Variants in UPP2 observed in about 807,000 individuals in gnomAD.
UPP2 encodes uridine phosphorylase 2.
Under a neutral mutation model 26.7 loss-of-function variants are expected in UPP2, and 23 were observed. The observed-to-expected ratio is 0.86, with a 90% CI of 0.62 to 1.22. The LOEUF (loss-of-function observed/expected upper bound fraction) is 1.22, where lower values mean the gene tolerates loss of function less well. Ranked by LOEUF, UPP2 falls within the 50% of genes most tolerant of loss-of-function variation. The pLI, the probability that UPP2 is intolerant of heterozygous loss-of-function variation, is 0.00. For missense variants in UPP2, 387 were observed against 396.7 expected (o/e 0.98, Z 0.21); for synonymous variants, 127 against 141.3 (o/e 0.90, Z 0.72).
Position 158,115,318 on chromosome 2 carries a change from C to T in UPP2, c.339+59C>T, listed in dbSNP as rs1368177324. 3 of 1,504,362 alleles carry T rather than the reference C, an allele frequency of 2.0e-6. No homozygotes were observed. The East Asian group carries it at 7.1e-5, about 35-fold the overall frequency. The allele number at this position is 1,504,362 out of a possible 1,614,324, so 93.2% of individuals were successfully genotyped here. On this transcript the variant is annotated intron_variant, in intron 3 of 6. Coordinates refer to ENST00000005756, the MANE Select transcript of UPP2 (RefSeq NM_173355.4). ...TGCAGGCTAGAGAAAAAAGTGGGAA[C>T]TTTTACATGTAGGAGTTCTTTTTCC...
At chr2:158,101,650 T>C (rs1683077743), upstream of UPP2, among the ~76,000 whole-genome samples, 1 of 152,230 alleles carries the variant, frequency 6.6e-6, no homozygotes, top group Non-Finnish European at 1.5e-5. Flanking sequence ...CTCGTATCCA[T>C]ATACAGTTGT....
At chr2:158,054,170 G>A (rs1275698258) in intron 3 of UPP2, among the ~76,000 whole-genome samples, 2 of 152,126 alleles carry the variant, frequency 1.3e-5, no homozygotes, top group Non-Finnish European at 2.9e-5. Flanking sequence ...ACTGAGGCAT[G>A]AGAATGGTTT....
intron 3 of UPP2, among the ~76,000 whole-genome samples, chr2:158,094,823 A>G (rs1682961703): frequency 6.6e-6 from 1 of 152,162 alleles, no homozygotes. Flanking sequence ...TTGAGTTCCC[A>G]GGAAAATCAC....
At chr2:158,021,759 G>A (rs35868430) in intron 3 of UPP2, among the ~76,000 whole-genome samples, 9,742 of 152,234 alleles carry the variant, frequency 0.064, 409 homozygotes, top group Non-Finnish European at 0.097. Flanking sequence ...GAGAGAGCTA[G>A]TATTATACTA....
chr2:158,039,580 A>C (rs1337970122), intron 3 of UPP2, among the ~76,000 whole-genome samples: 2 of 152,226 alleles, frequency 1.3e-5, no homozygotes, highest in Non-Finnish European at 2.9e-5. Context: ...GCCATTGCCG[A>C]GAGTCAAGCA....
At chr2:158,106,276 T>C in intron 2 of UPP2, 60 bp downstream of exon 2, 1 of 1,464,372 alleles carries the variant, frequency 6.8e-7, no homozygotes, top group East Asian at 2.3e-5. Context: ...TTTTTCTTCT[T>C]ACCTTGCCAA....
chr2:158,077,772 C>A (rs1682654128), intron 3 of UPP2, among the ~76,000 whole-genome samples: 1 of 151,984 alleles, frequency 6.6e-6, no homozygotes, highest in Non-Finnish European at 1.5e-5. Flanking sequence ...CAAAAATGGA[C>A]AAATGGGATC....
At chr2:158,018,458 C>T (rs936459033) in intron 3 of UPP2, among the ~76,000 whole-genome samples, 1 of 152,234 alleles carries the variant, frequency 6.6e-6, no homozygotes, top group Admixed American at 6.5e-5. Context: ...TCTTCTCTCT[C>T]TCCTCCTCCC....
chr2:158,018,936 A>C (rs1479876005), intron 3 of UPP2, among the ~76,000 whole-genome samples: 1 of 152,148 alleles, frequency 6.6e-6, no homozygotes, highest in Non-Finnish European at 1.5e-5. Context: ...TAATTTATTG[A>C]GGGAACTTAT....
intron 3 of UPP2, among the ~76,000 whole-genome samples, chr2:158,037,647 G>C (rs6437127): frequency 0.36 from 54,650 of 151,730 alleles, 11,213 homozygotes; most frequent in African/African-American, 0.57. Context: ...CCAATCTCTG[G>C]TCCATCTTCC....
chr2:158,052,090 C>T (rs1682168764), intron 3 of UPP2, among the ~76,000 whole-genome samples: 1 of 152,182 alleles, frequency 6.6e-6, no homozygotes, highest in Admixed American at 6.5e-5. Context: ...GAACACCCTT[C>T]ATATGTCCCA....
chr2:158,065,054 G>T (rs1231983418), intron 3 of UPP2, among the ~76,000 whole-genome samples: 2 of 152,182 alleles, frequency 1.3e-5, no homozygotes, highest in Non-Finnish European at 1.5e-5. Flanking sequence ...CCGGTCTGCA[G>T]CTCCCAGTGA....
At chr2:158,077,796 A>G (rs1274368162) in intron 3 of UPP2, among the ~76,000 whole-genome samples, 1 of 152,080 alleles carries the variant, frequency 6.6e-6, no homozygotes, top group Non-Finnish European at 1.5e-5. Flanking sequence ...TCAAGTTAAA[A>G]CTTCTGCACA....
intron 3 of UPP2, among the ~76,000 whole-genome samples, chr2:158,029,318 T>C (rs1472322126): frequency 6.6e-6 from 1 of 152,256 alleles, no homozygotes; most frequent in Non-Finnish European, 1.5e-5. Context: ...TAAAAAAATG[T>C]TTTCTTTGAA....
Position 158,115,163 on chromosome 2 carries a change from G to A in UPP2, c.243G>A (p.Glu81=). 1 of 1,613,766 alleles carries A rather than the reference G, an allele frequency of 6.2e-7. No homozygotes were observed. The highest frequency in any genetic ancestry group is 8.5e-7 in the Non-Finnish European group (1 of 1,179,900). ...MKAFALFMHK[E]LGFEEAEEDI... Reference sequence around the variant, plus strand: ...CATTTGCACTGTTTATGCACAAGGAGCTCGGGTTTGAGGAAGCTGAAGAAG... The same window carrying A: ...CATTTGCACTGTTTATGCACAAGGAACTCGGGTTTGAGGAAGCTGAAGAAG... Residue 81 remains glutamate, a synonymous_variant, in exon 3 of 7, where the codon GAG becomes GAA. Coordinates refer to ENST00000005756, the MANE Select transcript of UPP2 (RefSeq NM_173355.4).
At position 158,090,369 on chromosome 2, in the gene UPP2, T is replaced by C. The variant is rs369669497; in HGVS notation, c.148-11671T>C. Among the ~76,000 whole-genome samples, 276 of 152,136 alleles carry C rather than the reference T, an allele frequency of 1.8e-3. 2 individuals are homozygous for C. The South Asian group carries it at 0.023, about 12-fold the overall frequency. On this transcript the variant is annotated intron_variant, in intron 3 of 9. Coordinates refer to the UPP2 transcript ENST00000605860. ...ACAAAAAATTAGCCAGGCGTGGTGG[T>C]GGGCACCTGTAGTCGCAGCTACTCC...
intron 3 of UPP2, among the ~76,000 whole-genome samples, chr2:158,065,352 T>G (rs1438615460): frequency 2.0e-5 from 3 of 152,244 alleles, no homozygotes; most frequent in Admixed American, 2.0e-4. Context: ...GCCTCAGTAT[T>G]ACTGGATTGA....
chr2:158,007,767 C>G (rs979187740), intron 2 of UPP2, among the ~76,000 whole-genome samples: 1 of 151,968 alleles, frequency 6.6e-6, no homozygotes, highest in Non-Finnish European at 1.5e-5. Flanking sequence ...ATTACAGGCA[C>G]GCACCACCAC....
intron 3 of UPP2, among the ~76,000 whole-genome samples, chr2:158,037,576 T>C (rs923006327): frequency 3.3e-5 from 5 of 152,100 alleles, no homozygotes; most frequent in Non-Finnish European, 7.4e-5. Flanking sequence ...TCCATGCCTC[T>C]CTTTAGCTTC....
Sources: gnomAD v4.1 joint callset for allele counts (sites outside exome capture counted in the v4.1 genomes callset) on GRCh38, gnomAD v4.1.1 for gene constraint, MANE v1.5 for transcripts, NCBI Gene and HGNC (gene_info 2026-07-23, HGNC 2026-07-21) for gene names.